The following SCUBE3 variants were observed in gnomAD, a reference collection of about 807,000 sequenced individuals.
SCUBE3 encodes the protein signal peptide, CUB and EGF-like domain-containing protein 3.
Under a neutral mutation model 116.8 loss-of-function variants are expected in SCUBE3, and 33 were observed. The observed-to-expected ratio is 0.28, with a 90% CI of 0.21 to 0.38. SCUBE3 has a LOEUF of 0.38. Ranked by LOEUF, SCUBE3 falls within the 10% of genes least tolerant of loss-of-function variation. The probability of loss-of-function intolerance (pLI) is 1.00; values close to 1 mark genes in which losing one functional copy is unlikely to be tolerated. For missense variants in SCUBE3, 1,007 were observed against 1,324.8 expected (o/e 0.76, Z 3.72); for synonymous variants, 418 against 496.9 (o/e 0.84, Z 2.11).
In SCUBE3 at chr6:35,227,533, A is replaced by G. The variant is rs762597731; in HGVS notation, c.86-47A>G. ...GAAGCCCACCTTCAAGACACCCCTT[A>G]AGAGGTGCCAACAGAGGTTCTCATG... On this transcript the variant is annotated intron_variant, in intron 1 of 21. Transcript: ENST00000274938. The G allele has an allele frequency of 1.5e-5, 24 of 1,612,262 alleles. No homozygotes were observed. In the East Asian group the frequency reaches 5.3e-4, roughly 36 times the overall value.
intron 6 of SCUBE3, 97 bp from the exon 7 acceptor site, chr6:35,237,805 C>T (rs1476124893): frequency 2.9e-6 from 2 of 690,992 alleles, no homozygotes; most frequent in Non-Finnish European, 5.1e-6. Flanking sequence ...GCAGCTGAGG[C>T]CTTCCCTCGG....
At chr6:35,234,547 G>C (rs1459164374) in intron 6 of SCUBE3, among the ~76,000 whole-genome samples, 1 of 152,154 alleles carries the variant, frequency 6.6e-6, no homozygotes, top group Non-Finnish European at 1.5e-5. Context: ...AAAGACCCCA[G>C]AACATTTTTA....
rs1267948073 is a variant in SCUBE3, at chr6:35,252,560, T to A, written c.*3855T>A. The A allele has an allele frequency of 6.6e-6, 1 of 152,222 alleles. No homozygotes were observed. Among genetic ancestry groups the A allele is most frequent in the African/African-American group, 2.4e-5 (1 of 41,448 alleles). 9.4% of individuals were successfully genotyped at this position (152,222 alleles called of 1,614,324 possible). ...ACAAACAAGGGGTACCAAGACAAAG[T>A]ATAACTGAGCATAAGCAGAAAATGT... is the stretch of plus-strand genomic sequence containing the variant. On this transcript the variant is annotated 3_prime_UTR_variant, in exon 22 of 22. Transcript: ENST00000274938.
At position 35,214,423 on chromosome 6, in the gene SCUBE3, G is replaced by A. The variant is rs1309904243; in HGVS notation, c.5G>A (p.Gly2Asp). The change falls in exon 1 of 22, where the codon GGC becomes GAC. Residue 2 changes from glycine (G) to aspartate (D), a missense_variant. By Grantham distance (94) the Gly-to-Asp change is moderately conservative. Around this residue, in one of 5 missense-constraint regions of SCUBE3, gnomAD observed 94 missense variants for 92.0 expected, o/e 1.02. Coordinates refer to ENST00000274938, the MANE Select transcript of SCUBE3 (RefSeq NM_152753.4). The surrounding 1 kb of genome is among the most constrained non-coding windows in gnomAD (Gnocchi z 6.3). Reference sequence around the variant, plus strand: ...GGGCCGCCAGTAGCTCCAGCCATGGGCTCGGGGCGCGTACCCGGGCTCTGC... The same window carrying A: ...GGGCCGCCAGTAGCTCCAGCCATGGACTCGGGGCGCGTACCCGGGCTCTGC... M[G>D]SGRVPGLCLL... 4.8e-6 allele frequency: 7 copies of A among 1,467,552 alleles called. No homozygotes were observed. Among genetic ancestry groups the A allele is most frequent in the Non-Finnish European group, 5.4e-6 (6 of 1,111,130 alleles). 90.9% of individuals were successfully genotyped at this position (1,467,552 alleles called of 1,614,324 possible).
In SCUBE3 at chr6:35,244,358, T is replaced by C. The variant is rs1025898115; in HGVS notation, c.2239+228T>C. ...AACAGTCCCACTTACCCCTCCACTT[T>C]GGAGAACTGGTGGCATATTCTCCTC... On this transcript the variant is annotated intron_variant, in intron 17 of 21. Transcript: ENST00000274938. The surrounding 1 kb of genome is among the most constrained non-coding windows in gnomAD (Gnocchi z 4.3). 6.6e-6 allele frequency among the ~76,000 whole-genome samples: 1 copy of C among 152,162 alleles called. No individual in the cohort carries two copies. The highest frequency in any genetic ancestry group is 2.4e-5 in the African/African-American group (1 of 41,422).
Position 35,219,434 on chromosome 6 carries a change from C to A in SCUBE3, c.85+4931C>A, listed in dbSNP as rs995098842. 6.6e-6 allele frequency among the ~76,000 whole-genome samples: 1 copy of A among 152,152 alleles called. No homozygotes were observed. Among genetic ancestry groups the A allele is most frequent in the Non-Finnish European group, 1.5e-5 (1 of 68,030 alleles). On this transcript the variant is annotated intron_variant, in intron 1 of 21. Coordinates refer to ENST00000274938, the MANE Select transcript of SCUBE3 (RefSeq NM_152753.4). The surrounding 1 kb of genome is among the most constrained non-coding windows in gnomAD (Gnocchi z 4.7). ...TGTTAGATGCTGTGCTTTGGCTGAA[C>A]AAATGGGATGATGACCCCTATATAG...
In SCUBE3 at chr6:35,248,738, C is replaced by T. The variant is rs984163447; in HGVS notation, c.*33C>T. The T allele has an allele frequency of 1.9e-6, 3 of 1,598,914 alleles. No individual in the cohort carries two copies. Among genetic ancestry groups the T allele is most frequent in the Admixed American group, 3.4e-5 (2 of 59,622 alleles). ...AGGCTCAGAGACCCAATTTTTTAAG[C>T]CCCCAGACTCCTTAGCCCTCAGAGC... is the stretch of plus-strand genomic sequence containing the variant. On this transcript the variant is annotated 3_prime_UTR_variant, in exon 22 of 22. Transcript: ENST00000274938.
At position 35,235,738 on chromosome 6, in the gene SCUBE3, T is replaced by C. The variant is rs1012998595; in HGVS notation, c.713-2164T>C. Among the ~76,000 whole-genome samples, 4 of 152,142 alleles carry C rather than the reference T, an allele frequency of 2.6e-5. No individual in the cohort carries two copies. The highest frequency in any genetic ancestry group is 6.5e-5 in the Admixed American group (1 of 15,284). ...TGTTCCTGTCACTCTCCTTCTGCCC[T>C]TCCTCTTCTGCTGTCTCCTCCCACA... On this transcript the variant is annotated intron_variant, in intron 6 of 21. Coordinates refer to ENST00000274938, the MANE Select transcript of SCUBE3 (RefSeq NM_152753.4). This position sits in a 1 kb window ranked among gnomAD's most constrained non-coding sequence, Gnocchi z 4.5.
chr6:35,235,570 C>T lies in SCUBE3; in HGVS notation c.712+2269C>T. 1 of 809,856 alleles carries T rather than the reference C, an allele frequency of 1.2e-6. No individual in the cohort carries two copies. The highest frequency in any genetic ancestry group is 2.3e-5 in the Admixed American group (1 of 42,660). The allele number at this position is 809,856 out of a possible 1,614,324, so 50.2% of individuals were successfully genotyped here. Reference sequence around the variant, plus strand: ...GCTAACCCGCTGGGGCTCCCACTAACTGCATGCCCACTGGGCCCAGCCTGA... The same window carrying T: ...GCTAACCCGCTGGGGCTCCCACTAATTGCATGCCCACTGGGCCCAGCCTGA... On this transcript the variant is annotated intron_variant, in intron 6 of 21. Transcript: ENST00000274938. This position sits in a 1 kb window ranked among gnomAD's most constrained non-coding sequence, Gnocchi z 4.5.
intron 1 of SCUBE3, chr6:35,220,353 TAC>T (rs1352721351): frequency 1.3e-5 from 2 of 152,228 alleles, no homozygotes; most frequent in Non-Finnish European, 2.9e-5. Flanking sequence ...GAAAAAACTG[TAC>T]ACTTAGTGAA....
chr6:35,219,937 C>G lies in SCUBE3; in HGVS notation c.85+5434C>G, dbSNP rs1783061684. Among the ~76,000 whole-genome samples, 5 of 152,148 alleles carry G rather than the reference C, an allele frequency of 3.3e-5. No individual in the cohort carries two copies. Among genetic ancestry groups the G allele is most frequent in the Admixed American group, 3.3e-4 (5 of 15,278 alleles). ...ACCTGCCCACTGTTGCATTGCCCAC[C>G]CTTTCCTTATTGCAACTGTGTCTGT... On this transcript the variant is annotated intron_variant, in intron 1 of 21. Coordinates refer to ENST00000274938, the MANE Select transcript of SCUBE3 (RefSeq NM_152753.4). The surrounding 1 kb of genome is among the most constrained non-coding windows in gnomAD (Gnocchi z 4.7).
intron 21 of SCUBE3, among the ~76,000 whole-genome samples, chr6:35,246,857 T>C: frequency 6.6e-6 from 1 of 152,056 alleles, no homozygotes; most frequent in East Asian, 1.9e-4. Flanking sequence ...CAGGCGCCTG[T>C]AATCCCAGCT....
chr6:35,242,145 C>A (rs1452189155), intron 12 of SCUBE3, 59 bp from the exon 13 acceptor site: 1 of 1,271,206 alleles, frequency 7.9e-7, no homozygotes, highest in Non-Finnish European at 1.2e-6. Context: ...ACAACCCCTA[C>A]GGCACCCCCG....
At chr6:35,217,966 T>C (rs1254570712) in intron 1 of SCUBE3, among the ~76,000 whole-genome samples, 1 of 152,154 alleles carries the variant, frequency 6.6e-6, no homozygotes, top group African/African-American at 2.4e-5. Flanking sequence ...TACAGAGACT[T>C]TTCCCTGTTT....
In SCUBE3 at chr6:35,228,923, C is replaced by T. The variant is rs1451676258; in HGVS notation, c.334+184C>T. On this transcript the variant is annotated intron_variant, in intron 3 of 21. Transcript: ENST00000274938. This position sits in a 1 kb window ranked among gnomAD's most constrained non-coding sequence, Gnocchi z 4.9. ...ATGAAAAATCCTGCTGGATGAAAAA[C>T]ATTAGAGGAAAAGCTGCTACGAAAT... 2.0e-5 allele frequency among the ~76,000 whole-genome samples: 3 copies of T among 152,188 alleles called. No homozygotes were observed. The highest frequency in any genetic ancestry group is 4.4e-5 in the Non-Finnish European group (3 of 68,038).
In SCUBE3 at chr6:35,243,146, C is replaced by T; in HGVS notation, c.1819C>T (p.Leu607=). Residue 607 remains leucine, a synonymous_variant, in exon 15 of 22, where the codon CTG becomes TTG. Transcript: ENST00000274938. The surrounding 1 kb of genome is among the most constrained non-coding windows in gnomAD (Gnocchi z 6.6). ...GCGCCTGGCAGGCCTTGATTATGAG[C>T]TGGCCCACAAGCCGGGCCTGGTAGC... is the stretch of plus-strand genomic sequence containing the variant. ...LLRLAGLDYE[L]AHKPGLVAGE... is the part of the protein sequence containing the mutation. 6.2e-7 allele frequency: 1 copy of T among 1,614,208 alleles called. No homozygotes were observed. Among genetic ancestry groups the T allele is most frequent in the Non-Finnish European group, 8.5e-7 (1 of 1,180,018 alleles).
rs761507664 is a variant in SCUBE3, at chr6:35,241,655, G to T, written c.1308G>T (p.Leu436Phe). The part of the protein sequence containing the change: ...ALTCPSRARF[L>F]PESENGFTVS... ...CCTGTCCCTCCAGGGCCCGATTTTT[G>T]CCAGGTACATGGGAGGAGGGTGCTG... is the stretch of plus-strand genomic sequence containing the variant. The change falls in exon 11 of 22, where the codon TTG becomes TTT. Residue 436 changes from leucine (L) to phenylalanine (F), a missense_variant. Leu to Phe is a conservative substitution (Grantham distance 22). Around this residue, in one of 5 missense-constraint regions of SCUBE3, gnomAD observed 544 missense variants for 638.9 expected, o/e 0.85. Transcript: ENST00000274938. The surrounding 1 kb of genome is among the most constrained non-coding windows in gnomAD (Gnocchi z 4.1). The T allele has an allele frequency of 5.6e-6, 9 of 1,609,626 alleles. No homozygotes were observed. Among genetic ancestry groups the T allele is most frequent in the Non-Finnish European group, 7.7e-6 (9 of 1,175,786 alleles).
intron 1 of SCUBE3, among the ~76,000 whole-genome samples, chr6:35,215,327 A>G (rs1329254685): frequency 6.6e-6 from 1 of 152,088 alleles, no homozygotes; most frequent in Non-Finnish European, 1.5e-5. Flanking sequence ...CCCCCAGCTC[A>G]TCGCCTGGCA....
intron 1 of SCUBE3, chr6:35,222,710 C>G (rs1783161414): frequency 6.6e-6 from 1 of 152,368 alleles, no homozygotes; most frequent in East Asian, 1.9e-4. Flanking sequence ...ACTTCACCCC[C>G]ATTCTTTGTG....
Sources: allele counts gnomAD v4.1 joint callset (sites outside exome capture counted in the v4.1 genomes callset), GRCh38; gene constraint gnomAD v4.1.1; regional missense constraint gnomAD v4.1.1; non-coding constraint Gnocchi (gnomAD v3.1); transcripts MANE v1.5; gene names NCBI Gene and HGNC (gene_info 2026-07-23, HGNC 2026-07-21).